Variants in FBXL20 observed in about 807,000 individuals in gnomAD.
FBXL20 encodes F-box/LRR-repeat protein 20.
FBXL20 carries 11 observed loss-of-function variants against 64.0 expected under a neutral mutation model. The ratio of observed to expected loss-of-function variants is 0.17; its 90% CI spans 0.11 to 0.28. The LOEUF (loss-of-function observed/expected upper bound fraction) is 0.28. Among genes scored for constraint, FBXL20 ranks in the 10% least tolerant of loss-of-function variants. The pLI is 1.00. For synonymous variants in FBXL20, 184 were observed against 189.0 expected (o/e 0.97, Z 0.22); for missense variants, 303 against 526.2 (o/e 0.58, Z 4.15).
At chr17:39,354,695 G>A (rs772075592) in intron 1 of FBXL20, among the ~76,000 whole-genome samples, 8 of 151,900 alleles carry the variant, frequency 5.3e-5, no homozygotes, top group African/African-American at 9.7e-5. Context: ...TTTTCACTAC[G>A]TATCTCTATA....
chr17:39,397,151 C>A (rs1435703718), intron 1 of FBXL20, among the ~76,000 whole-genome samples: 4 of 152,150 alleles, frequency 2.6e-5, no homozygotes, highest in Admixed American at 2.6e-4. Flanking sequence ...GATGATCCAC[C>A]CGCTTTGGCC....
chr17:39,276,102 C>A (rs1357991035), intron 9 of FBXL20, among the ~76,000 whole-genome samples: 2 of 150,612 alleles, frequency 1.3e-5, no homozygotes, highest in Non-Finnish European at 3.0e-5. Context: ...CAAAAATTAG[C>A]CAAGTATTGT....
At position 39,259,969 on chromosome 17, in the gene FBXL20, G is replaced by C. The variant is rs1229526334; in HGVS notation, c.*1491C>G. On this transcript the variant is annotated 3_prime_UTR_variant, in exon 15 of 15. Transcript: ENST00000264658. ...ACTGCACTCCAGTCTGGGCAAGAGT[G>C]AGAACCCGTCTTAAAAAAAAAAAAA... 1 of 131,860 alleles carries C rather than the reference G, an allele frequency of 7.6e-6. No homozygotes were observed. Among genetic ancestry groups the C allele is most frequent in the Non-Finnish European group, 1.6e-5 (1 of 64,186 alleles). 8.2% of individuals were successfully genotyped at this position (131,860 alleles called of 1,614,324 possible). A position where few individuals can be genotyped will look rare whatever the true frequency, so the allele number is the denominator to read the frequency against.
At chr17:39,402,338 T>A, upstream of FBXL20, 1 of 672,282 alleles carries the variant, frequency 1.5e-6, no homozygotes. Flanking sequence ...CATTACGGGG[T>A]GCTGCAGGGA....
chr17:39,358,544 G>A (rs1030618209), intron 1 of FBXL20, among the ~76,000 whole-genome samples: 10 of 152,032 alleles, frequency 6.6e-5, no homozygotes, highest in Admixed American at 2.0e-4. Flanking sequence ...TTATCCGGGC[G>A]TGGTGGCGTA....
At position 39,312,532 on chromosome 17, in the gene FBXL20, G is replaced by C. The variant is rs371449884; in HGVS notation, c.105-8893C>G. ...ACCACTCTACATCTAGTATGTCTAA[G>C]TATTTGCTATTATTTAGCAACCCTT... On this transcript the variant is annotated intron_variant, in intron 2 of 14. Transcript: ENST00000264658. Among the ~76,000 whole-genome samples the C allele has an allele frequency of 3.1e-5, 4 of 128,710 alleles. No individual in the cohort carries two copies. The East Asian group carries it at 6.9e-4, about 22-fold the overall frequency. 84.4% of individuals were successfully genotyped at this position (128,710 alleles called of 152,430 possible).
chr17:39,294,443 C>T (rs2144424926), intron 6 of FBXL20, among the ~76,000 whole-genome samples: 1 of 151,982 alleles, frequency 6.6e-6, no homozygotes, highest in East Asian at 1.9e-4. Flanking sequence ...CCATGCCTGG[C>T]TAATTTTTTG....
At chr17:39,315,168 G>C (rs2047273840) in intron 2 of FBXL20, among the ~76,000 whole-genome samples, 1 of 151,066 alleles carries the variant, frequency 6.6e-6, no homozygotes, top group Non-Finnish European at 1.5e-5. Flanking sequence ...CCTGACCTCA[G>C]GTGATCCGCC....
chr17:39,323,012 C>A (rs1320976375), intron 2 of FBXL20, among the ~76,000 whole-genome samples: 2 of 150,694 alleles, frequency 1.3e-5, no homozygotes, highest in African/African-American at 2.4e-5. Flanking sequence ...ACTCTGTCGC[C>A]AGGCTGGAGT....
chr17:39,328,162 T>A (rs548076511), intron 2 of FBXL20, among the ~76,000 whole-genome samples: 321 of 147,642 alleles, frequency 2.2e-3, no homozygotes, highest in Non-Finnish European at 3.9e-3. Context: ...GCAGGAGAAT[T>A]GTTTGAACAT....
intron 1 of FBXL20, among the ~76,000 whole-genome samples, chr17:39,377,957 G>C (rs2047984175): frequency 6.6e-6 from 1 of 152,010 alleles, no homozygotes; most frequent in African/African-American, 2.4e-5. Context: ...ACGCTTCAGT[G>C]AACTGTGATT....
In FBXL20 at chr17:39,255,332, G is replaced by A. The variant is rs1272439563; in HGVS notation, c.*6128C>T. The A allele has an allele frequency of 6.6e-6, 1 of 152,084 alleles. No homozygotes were observed. The highest frequency in any genetic ancestry group is 1.5e-5 in the Non-Finnish European group (1 of 68,080). The allele number at this position is 152,084 out of a possible 1,614,324, so 9.4% of individuals were successfully genotyped here. ...GGAGCCTGTAGTCCCAGCTACTTGG[G>A]AGGCTGAGGCAGGAGAATGGCGTGA... On this transcript the variant is annotated 3_prime_UTR_variant, in exon 15 of 15. Coordinates refer to ENST00000264658, the MANE Select transcript of FBXL20 (RefSeq NM_032875.3).
chr17:39,299,813 G>C (rs1453559254), intron 4 of FBXL20, among the ~76,000 whole-genome samples: 1 of 146,246 alleles, frequency 6.8e-6, no homozygotes, highest in Non-Finnish European at 1.5e-5. Context: ...AAAAACAAAA[G>C]CTGGCCAGGT....
At chr17:39,325,309 T>A (rs1437056611) in intron 2 of FBXL20, among the ~76,000 whole-genome samples, 4 of 152,212 alleles carry the variant, frequency 2.6e-5, no homozygotes, top group Non-Finnish European at 5.9e-5. Flanking sequence ...GAGAGACATA[T>A]CTTTTAAGTA....
intron 2 of FBXL20, among the ~76,000 whole-genome samples, chr17:39,337,093 C>T (rs2047530183): frequency 6.6e-6 from 1 of 151,902 alleles, no homozygotes; most frequent in African/African-American, 2.4e-5. Flanking sequence ...CTGCCTGATT[C>T]TCCTGCCTCA....
intron 2 of FBXL20, among the ~76,000 whole-genome samples, chr17:39,326,289 C>T (rs1386548634): frequency 6.6e-6 from 1 of 151,778 alleles, no homozygotes; most frequent in Non-Finnish European, 1.5e-5. Context: ...AAATCCAAAA[C>T]TGAATACGAA....
chr17:39,396,663 T>C (rs905949895), intron 1 of FBXL20, among the ~76,000 whole-genome samples: 4 of 148,636 alleles, frequency 2.7e-5, no homozygotes, highest in African/African-American at 9.9e-5. Flanking sequence ...TTAAGATTAA[T>C]ATGCAGGTCT....
At chr17:39,328,938 C>T (rs2144532717) in intron 2 of FBXL20, among the ~76,000 whole-genome samples, 1 of 152,148 alleles carries the variant, frequency 6.6e-6, no homozygotes, top group East Asian at 1.9e-4. Flanking sequence ...CCTGTAATCC[C>T]AGCTACTCAG....
intron 1 of FBXL20, among the ~76,000 whole-genome samples, chr17:39,363,810 C>CAAAAAAAA (rs71372113): frequency 1.1e-4 from 3 of 26,612 alleles, no homozygotes; most frequent in Non-Finnish European, 1.3e-4. Flanking sequence ...GACTTTATCT[C>CAAAAAAAA]AAAAAAAAAA....
Sources: allele counts gnomAD v4.1 joint callset (sites outside exome capture counted in the v4.1 genomes callset), GRCh38; gene constraint gnomAD v4.1.1; transcripts MANE v1.5; gene names NCBI Gene and HGNC (gene_info 2026-07-23, HGNC 2026-07-21).